CHSY3: variants seen among roughly 807,000 people sequenced by gnomAD.
The protein encoded by CHSY3 is chondroitin sulfate synthase 3, also known as N-acetylgalactosaminyl-proteoglycan 3-beta-glucuronosyltransferase 3.
Under a neutral mutation model 67.2 loss-of-function variants are expected in CHSY3, and 35 were observed. The observed-to-expected ratio is 0.52, with a 90% CI of 0.40 to 0.69. The LOEUF (loss-of-function observed/expected upper bound fraction) is 0.69, where lower values mean the gene tolerates loss of function less well. CHSY3 is among the 30% of genes least tolerant of loss of function. CHSY3 has a pLI of 0.00. For missense variants in CHSY3, 1,069 were observed against 1,138.5 expected (o/e 0.94, Z 0.88); for synonymous variants, 474 against 434.7 (o/e 1.09, Z -1.12).
chr5:129,937,974 G>C (rs1369844440), intron 2 of CHSY3, among the ~76,000 whole-genome samples: 1 of 152,012 alleles, frequency 6.6e-6, no homozygotes, highest in Non-Finnish European at 1.5e-5. Flanking sequence ...TTCCCTAGTC[G>C]AGGTTTTCCA....
chr5:130,100,784 C>T (rs1206740468), intron 2 of CHSY3, among the ~76,000 whole-genome samples: 3 of 152,196 alleles, frequency 2.0e-5, no homozygotes, highest in Non-Finnish European at 2.9e-5. Flanking sequence ...ACGTAACTTA[C>T]ACAAGTTGTT....
intron 2 of CHSY3, among the ~76,000 whole-genome samples, chr5:130,132,704 CTTAGCAATGTCTAGAGATAT>C (rs1163171441): frequency 5.8e-4 from 89 of 152,276 alleles, no homozygotes; most frequent in African/African-American, 1.8e-3. Flanking sequence ...CCAGGAGATA[CTTAGCAATGTCTAGAGATAT>C]TTAGCAATGT....
At chr5:130,102,030 G>GT (rs753911584) in intron 2 of CHSY3, among the ~76,000 whole-genome samples, 1 of 152,094 alleles carries the variant, frequency 6.6e-6, no homozygotes, top group Non-Finnish European at 1.5e-5. Flanking sequence ...TTGTGGTGTT[G>GT]TTACATTGGA....
chr5:130,013,815 G>T lies in CHSY3; in HGVS notation c.1086+105455G>T, dbSNP rs145895803. Among the ~76,000 whole-genome samples, 578 of 152,302 alleles carry T rather than the reference G, an allele frequency of 3.8e-3. 7 individuals carry two copies. Among genetic ancestry groups the T allele is most frequent in the African/African-American group, 0.013 (543 of 41,562 alleles). On this transcript the variant is annotated intron_variant, in intron 2 of 2. Transcript: ENST00000305031. ...ATTGTCTTGGTGATTAATATTTGGT[G>T]CCTTGTTACTTATGCAAATTTCTGC...
chr5:130,178,994 C>T (rs191869096), intron 2 of CHSY3, among the ~76,000 whole-genome samples: 359 of 152,312 alleles, frequency 2.4e-3, no homozygotes, highest in Middle Eastern at 0.014. Context: ...TTTGCTAGAT[C>T]TATTACCACT....
chr5:130,100,801 C>A (rs1474491686), intron 2 of CHSY3, among the ~76,000 whole-genome samples: 1 of 152,168 alleles, frequency 6.6e-6, no homozygotes, highest in Non-Finnish European at 1.5e-5. Flanking sequence ...TGTTAGTATT[C>A]AGGAAATGTA....
intron 2 of CHSY3, among the ~76,000 whole-genome samples, chr5:129,991,778 C>T (rs1360052425): frequency 2.0e-5 from 3 of 152,064 alleles, no homozygotes; most frequent in South Asian, 4.1e-4. Context: ...GAGGAAGAGG[C>T]AGAGGATTCC....
intron 2 of CHSY3, among the ~76,000 whole-genome samples, chr5:130,177,734 C>T (rs1395823386): frequency 6.6e-6 from 1 of 152,068 alleles, no homozygotes; most frequent in Non-Finnish European, 1.5e-5. Context: ...GGTCTAATTT[C>T]ATCGGATTTA....
intron 2 of CHSY3, among the ~76,000 whole-genome samples, chr5:129,926,103 G>C (rs1279263443): frequency 6.6e-6 from 1 of 151,970 alleles, no homozygotes; most frequent in African/African-American, 2.4e-5. Flanking sequence ...GTCATTGAGA[G>C]TTTCTGAATT....
chr5:129,905,886 G>GA, intron 1 of CHSY3: 30 of 776,614 alleles, frequency 3.9e-5, no homozygotes, highest in South Asian at 1.4e-4. Context: ...TTTCGGTGCC[G>GA]CCTCGCGCTT....
chr5:129,942,932 T>C (rs1421984345), intron 2 of CHSY3, among the ~76,000 whole-genome samples: 1 of 152,170 alleles, frequency 6.6e-6, no homozygotes, highest in Non-Finnish European at 1.5e-5. Flanking sequence ...TTCTTTAGAG[T>C]GTTTTCTTGG....
At chr5:129,972,264 G>A (rs1406325387) in intron 2 of CHSY3, among the ~76,000 whole-genome samples, 1 of 151,918 alleles carries the variant, frequency 6.6e-6, no homozygotes, top group African/African-American at 2.4e-5. Context: ...CTGTCTAAAT[G>A]GACCTTAGGG....
intron 2 of CHSY3, among the ~76,000 whole-genome samples, chr5:130,051,235 A>G (rs931642899): frequency 1.3e-5 from 2 of 152,024 alleles, no homozygotes; most frequent in African/African-American, 2.4e-5. Context: ...GTGCAATTCT[A>G]TATTGCTTGG....
At chr5:129,999,308 C>T (rs781696234) in intron 2 of CHSY3, among the ~76,000 whole-genome samples, 4 of 152,004 alleles carry the variant, frequency 2.6e-5, no homozygotes, top group African/African-American at 4.8e-5. Flanking sequence ...TGATTGAAAA[C>T]AATATTATTT....
chr5:129,920,428 T>G (rs1312020075), intron 2 of CHSY3, among the ~76,000 whole-genome samples: 1 of 152,116 alleles, frequency 6.6e-6, no homozygotes, highest in Non-Finnish European at 1.5e-5. Context: ...GTATTTTTGG[T>G]AGAGATGGGA....
intron 2 of CHSY3, among the ~76,000 whole-genome samples, chr5:130,022,968 G>A (rs1411087786): frequency 6.6e-6 from 1 of 151,820 alleles, no homozygotes; most frequent in Non-Finnish European, 1.5e-5. Flanking sequence ...CTGGGGAAGG[G>A]GTAAAGTTAA....
At chr5:130,085,293 A>G (rs1488741434) in intron 2 of CHSY3, among the ~76,000 whole-genome samples, 1 of 152,108 alleles carries the variant, frequency 6.6e-6, no homozygotes, top group Admixed American at 6.6e-5. Context: ...TTGATCAAAT[A>G]ATGATATGAA....
At chr5:130,155,608 A>C (rs1272856908) in intron 2 of CHSY3, among the ~76,000 whole-genome samples, 4 of 152,222 alleles carry the variant, frequency 2.6e-5, no homozygotes, top group Non-Finnish European at 4.4e-5. Flanking sequence ...AGCCTTGAAA[A>C]TGCAAATCCT....
At chr5:129,956,196 C>T (rs549207602) in intron 2 of CHSY3, among the ~76,000 whole-genome samples, 26 of 152,040 alleles carry the variant, frequency 1.7e-4, no homozygotes, top group African/African-American at 2.7e-4. Flanking sequence ...AACCTTGCGG[C>T]GTGTTATTTT....
Sources: allele counts gnomAD v4.1 joint callset (sites outside exome capture counted in the v4.1 genomes callset), GRCh38; gene constraint gnomAD v4.1.1; transcripts MANE v1.5; gene names NCBI Gene and HGNC (gene_info 2026-07-23, HGNC 2026-07-21).